Variants in SOD2 observed in about 807,000 individuals in gnomAD.
SOD2 encodes the protein superoxide dismutase [Mn], mitochondrial.
In SOD2, 11 loss-of-function variants were observed where a neutral mutation model predicts 27.0. The ratio of observed to expected loss-of-function variants is 0.41; its 90% CI spans 0.26 to 0.67. The LOEUF (loss-of-function observed/expected upper bound fraction) is 0.67, where lower values mean the gene tolerates loss of function less well. Ranked by LOEUF, SOD2 falls within the 30% of genes least tolerant of loss-of-function variation. SOD2 has a pLI of 0.34. For missense variants in SOD2, 250 were observed against 274.5 expected (o/e 0.91, Z 0.63); for synonymous variants, 105 against 103.0 (o/e 1.02, Z -0.12).
At chr6:159,749,054 T>C (rs1446009062), upstream of SOD2, 1 of 991,068 alleles carries the variant, frequency 1.0e-6, no homozygotes, top group African/African-American at 1.7e-5. Context: ...TTTGGGGCTC[T>C]ATATTACTTG....
chr6:159,688,388 C>G, intron 2 of SOD2, 146 bp from the exon 3 acceptor site: 1 of 585,406 alleles, frequency 1.7e-6, no homozygotes, highest in Non-Finnish European at 3.0e-6. Flanking sequence ...AGCACCCCCC[C>G]GCCCCAAAAT....
chr6:159,688,126 C>G lies in SOD2; in HGVS notation c.343G>C (p.Gly115Arg). 1 of 1,565,550 alleles carries G rather than the reference C, an allele frequency of 6.4e-7. No individual in the cohort carries two copies. Among genetic ancestry groups the G allele is most frequent in the African/African-American group, 1.4e-5 (1 of 74,072 alleles). The change falls in exon 3 of 5, where the codon GGG becomes CGG. Residue 115 changes from glycine to arginine, a missense_variant and splice_region_variant. By Grantham distance (125) the Gly-to-Arg change is moderately radical. Transcript: ENST00000538183. ...LSPNGGGEPK[G>R]ELLEAIKRDF... ...TAAGGGTGCACCAATATATACCAAC[C>G]TTTGGGTTCTCCACCACCGTTAGGG...
intron 1 of SOD2, chr6:159,753,338 T>C (rs571849140): frequency 2.0e-5 from 27 of 1,338,200 alleles, no homozygotes; most frequent in Admixed American, 1.5e-4. Flanking sequence ...ATGGTAATTA[T>C]GGGGAAGCAT....
chr6:159,692,370 C>G, intron 2 of SOD2: 1 of 1,279,044 alleles, frequency 7.8e-7, no homozygotes, highest in Non-Finnish European at 1.0e-6. Context: ...TACAATTCAC[C>G]AGTGCTGGCA....
intron 1 of SOD2, among the ~76,000 whole-genome samples, chr6:159,720,873 T>TTC (rs1778023878): frequency 1.5e-5 from 2 of 137,656 alleles, no homozygotes; most frequent in East Asian, 4.0e-4. Flanking sequence ...TTTTTTTTTT[T>TTC]TGAGACAGTG....
At position 159,671,635 on chromosome 6, in the gene SOD2, A is replaced by G. The variant is rs1228160582; in HGVS notation, c.*10858T>C. The G allele has an allele frequency of 5.3e-5, 8 of 152,210 alleles. No homozygotes were observed. The highest frequency in any genetic ancestry group is 1.0e-4 in the Non-Finnish European group (7 of 68,044). 9.4% of individuals were successfully genotyped at this position (152,210 alleles called of 1,614,324 possible). A position where few individuals can be genotyped will look rare whatever the true frequency, so the allele number is the denominator to read the frequency against. Reference sequence around the variant, plus strand: ...ACCAAAGGTAGATAAAACCACAAAGATGGGGAAAAAACAGAGCAGAAAAGC... The same window carrying G: ...ACCAAAGGTAGATAAAACCACAAAGGTGGGGAAAAAACAGAGCAGAAAAGC... On this transcript the variant is annotated 3_prime_UTR_variant, in exon 5 of 5. Transcript: ENST00000538183.
At position 159,692,849 on chromosome 6, in the gene SOD2, A is replaced by C. The variant is rs1209196497; in HGVS notation, c.38T>G (p.Leu13Arg). ...GCCCAGATACCCCAAAACCGGAGCC[A>C]GCTGCCTGCTGGTGCTGAAGACGAG... ...SRAVCGTSRQLAPVLGYLGSR... is the reference protein window; with the variant it reads ...SRAVCGTSRQRAPVLGYLGSR... Residue 13 changes from leucine to arginine, a missense_variant, in exon 2 of 5, where the codon CTG becomes CGG. Physicochemically the swap from Leu to Arg is moderately radical, Grantham distance 102 (BLOSUM62 -2). Coordinates refer to ENST00000538183, the MANE Select transcript of SOD2 (RefSeq NM_000636.4). The C allele has an allele frequency of 6.2e-7, 1 of 1,609,842 alleles. No individual in the cohort carries two copies. The highest frequency in any genetic ancestry group is 1.3e-5 in the African/African-American group (1 of 74,868).
chr6:159,712,819 T>G (rs1777853983), intron 1 of SOD2: 1 of 566,562 alleles, frequency 1.8e-6, no homozygotes, highest in Non-Finnish European at 3.5e-6. Flanking sequence ...TCTCCCATCA[T>G]TTGCCTACCA....
At chr6:159,696,584 T>G (rs1777425218), upstream of SOD2, among the ~76,000 whole-genome samples, 1 of 151,914 alleles carries the variant, frequency 6.6e-6, no homozygotes, top group African/African-American at 2.4e-5. Flanking sequence ...CCTCCCAAAG[T>G]GCTGGGATTA....
chr6:159,761,645 G>A (rs1380760422), exon 1 of SOD2: 1 of 447,538 alleles, frequency 2.2e-6, no homozygotes, highest in Non-Finnish European at 4.5e-6. Flanking sequence ...AGCTGAACGA[G>A]AGATAAGTCT....
chr6:159,730,400 T>C (rs963615549), upstream of SOD2, among the ~76,000 whole-genome samples: 16 of 152,220 alleles, frequency 1.1e-4, no homozygotes, highest in African/African-American at 3.6e-4. Flanking sequence ...TTTATGAATC[T>C]AGAATTGACT....
chr6:159,738,875 A>ATTTTG, intron 1 of SOD2: 1 of 649,164 alleles, frequency 1.5e-6, no homozygotes, highest in East Asian at 3.1e-5. Flanking sequence ...TCAAAAAATC[A>ATTTTG]TAATATGTAC....
At chr6:159,728,308 A>C (rs1345952682), upstream of SOD2, among the ~76,000 whole-genome samples, 1 of 152,182 alleles carries the variant, frequency 6.6e-6, no homozygotes, top group African/African-American at 2.4e-5. Flanking sequence ...GTGTACACGT[A>C]ATGGAAAAGC....
chr6:159,733,723 G>A (rs553746080), intron 1 of SOD2, among the ~76,000 whole-genome samples: 27 of 151,998 alleles, frequency 1.8e-4, no homozygotes, highest in African/African-American at 6.5e-4. Context: ...AGACCACCCT[G>A]ACCAACATGG....
chr6:159,700,670 A>G (rs1214470620), intron 1 of SOD2, among the ~76,000 whole-genome samples: 2 of 146,106 alleles, frequency 1.4e-5, no homozygotes, highest in African/African-American at 2.6e-5. Flanking sequence ...AAAAAAAAAA[A>G]TCAATGCATT....
At chr6:159,755,668 A>T in intron 1 of SOD2, 1 of 1,427,468 alleles carries the variant, frequency 7.0e-7, no homozygotes, top group South Asian at 1.7e-5. Flanking sequence ...GATACTGTCC[A>T]GAAAATTAAT....
At chr6:159,732,718 G>A (rs1420295793) in intron 1 of SOD2, among the ~76,000 whole-genome samples, 1 of 152,074 alleles carries the variant, frequency 6.6e-6, no homozygotes, top group Non-Finnish European at 1.5e-5. Flanking sequence ...CAGCTACTCT[G>A]GAGGCTGAGG....
At chr6:159,753,556 T>G in intron 1 of SOD2, 1 of 1,614,150 alleles carries the variant, frequency 6.2e-7, no homozygotes, top group Non-Finnish European at 8.5e-7. Context: ...TTGCACAACT[T>G]GAAGCAGAGT....
rs1779946866 is a variant in SOD2 at position 159,681,200 on chromosome 6, T to G, written c.*1293A>C. On this transcript the variant is annotated 3_prime_UTR_variant, in exon 5 of 5. Transcript: ENST00000538183. ...AGGGGGATTCCCACAAGCACAGAAA[T>G]AAAGGAGAATCTTGAGTTTCCTTCA... 1 of 151,498 alleles carries G rather than the reference T, an allele frequency of 6.6e-6. No individual in the cohort carries two copies. The highest frequency in any genetic ancestry group is 6.6e-5 in the Admixed American group (1 of 15,232). 9.4% of individuals were successfully genotyped at this position (151,498 alleles called of 1,614,324 possible). A position where few individuals can be genotyped will look rare whatever the true frequency, so the allele number is the denominator to read the frequency against.
Sources: gnomAD v4.1 joint callset for allele counts (sites outside exome capture counted in the v4.1 genomes callset) on GRCh38, gnomAD v4.1.1 for gene constraint, MANE v1.5 for transcripts, NCBI Gene and HGNC (gene_info 2026-07-23, HGNC 2026-07-21) for gene names.